ADAMTSL3: variants seen among roughly 807,000 people sequenced by gnomAD.
ADAMTSL3 encodes ADAMTS like 3.
Under a neutral mutation model 201.7 loss-of-function variants are expected in ADAMTSL3, and 128 were observed. The ratio of observed to expected loss-of-function variants is 0.63; its 90% confidence interval spans 0.55 to 0.73. The LOEUF (loss-of-function observed/expected upper bound fraction) is 0.73. ADAMTSL3 is among the 30% of genes least tolerant of loss of function. ADAMTSL3 has a pLI of 0.00. For synonymous variants in ADAMTSL3, 738 were observed against 748.4 expected (o/e 0.99, Z 0.23); for missense variants, 1,990 against 2,119.6 (o/e 0.94, Z 1.20).
intron 2 of ADAMTSL3, among the ~76,000 whole-genome samples, chr15:83,672,705 T>C (rs925824959): frequency 3.3e-5 from 5 of 152,164 alleles, no homozygotes; most frequent in Non-Finnish European, 1.5e-5. Flanking sequence ...AGCAAACACT[T>C]CACACTTAGA....
chr15:83,688,932 C>A (rs976435376), intron 2 of ADAMTSL3, among the ~76,000 whole-genome samples: 5 of 152,130 alleles, frequency 3.3e-5, no homozygotes, highest in African/African-American at 4.8e-5. Context: ...TCTCAGCCTC[C>A]CAGGTAGCTG....
intron 8 of ADAMTSL3, among the ~76,000 whole-genome samples, chr15:83,860,037 G>A (rs542514878): frequency 2.6e-4 from 39 of 152,122 alleles, no homozygotes; most frequent in South Asian, 8.3e-4. Context: ...GCATAGTGGC[G>A]CACGCCTGTA....
chr15:83,683,243 A>C (rs1446355266), intron 2 of ADAMTSL3, among the ~76,000 whole-genome samples: 1 of 152,126 alleles, frequency 6.6e-6, no homozygotes, highest in African/African-American at 2.4e-5. Flanking sequence ...GTTTCCTCCA[A>C]ATAGTGTGGC....
intron 4 of ADAMTSL3, among the ~76,000 whole-genome samples, chr15:83,797,445 A>G (rs2063444381): frequency 6.6e-6 from 1 of 152,096 alleles, no homozygotes. Flanking sequence ...TTCTAAAAAT[A>G]CAAAAATTAG....
intron 15 of ADAMTSL3, among the ~76,000 whole-genome samples, chr15:83,910,635 CT>C (rs3044681): frequency 0.031 from 4,012 of 131,028 alleles, 144 homozygotes; most frequent in Admixed American, 0.12. Flanking sequence ...TTAGGTGAAC[CT>C]TTTTTTTTTT....
chr15:83,891,517 C>A, intron 12 of ADAMTSL3, 138 bp downstream of exon 12: 1 of 657,012 alleles, frequency 1.5e-6, no homozygotes, highest in South Asian at 2.2e-5. Flanking sequence ...GACTTCTACT[C>A]AATAATAGGA....
intron 6 of ADAMTSL3, among the ~76,000 whole-genome samples, chr15:83,825,144 A>G (rs1430182413): frequency 6.6e-6 from 1 of 151,900 alleles, no homozygotes; most frequent in Non-Finnish European, 1.5e-5. Flanking sequence ...AGCTTACCAT[A>G]TAATTCTTCC....
Position 83,742,726 on chromosome 15 carries a change from C to T in ADAMTSL3, c.190-30797C>T, listed in dbSNP as rs373125216. 1.9e-4 allele frequency among the ~76,000 whole-genome samples: 29 copies of T among 152,292 alleles called. No individual in the cohort carries two copies. The East Asian group carries it at 4.2e-3, about 22-fold the overall frequency. On this transcript the variant is annotated intron_variant, in intron 3 of 29. Coordinates refer to ENST00000286744, the MANE Select transcript of ADAMTSL3 (RefSeq NM_207517.3). ...TGTCTGGAAGCTAGTAAGATTAGTT[C>T]TAAATCTTTCTGTTTCAGAAATTTT...
At chr15:83,655,590 C>T (rs886296263) in intron 1 of ADAMTSL3, 139 bp from the exon 2 acceptor site, 18 of 633,320 alleles carry the variant, frequency 2.8e-5, no homozygotes, top group South Asian at 4.0e-5. Flanking sequence ...CAGTAGGCAG[C>T]GGCAACCTGG....
intron 23 of ADAMTSL3, among the ~76,000 whole-genome samples, chr15:84,006,142 T>C (rs1330957132): frequency 6.6e-6 from 1 of 152,230 alleles, no homozygotes; most frequent in African/African-American, 2.4e-5. Flanking sequence ...TGAGATACTT[T>C]CTCTGACACT....
intron 21 of ADAMTSL3, among the ~76,000 whole-genome samples, chr15:83,984,721 T>C (rs557499371): frequency 6.6e-6 from 1 of 152,258 alleles, no homozygotes; most frequent in Non-Finnish European, 1.5e-5. Context: ...TTGAAAACCC[T>C]CCCCCTGCCA....
At chr15:83,952,555 T>C (rs1052930418) in intron 19 of ADAMTSL3, among the ~76,000 whole-genome samples, 4 of 152,208 alleles carry the variant, frequency 2.6e-5, no homozygotes, top group Non-Finnish European at 5.9e-5. Flanking sequence ...ACTCAAGCTA[T>C]CATTGTATTG....
At chr15:83,934,174 GA>G (rs1414696494) in intron 17 of ADAMTSL3, among the ~76,000 whole-genome samples, 1 of 152,192 alleles carries the variant, frequency 6.6e-6, no homozygotes, top group Non-Finnish European at 1.5e-5. Flanking sequence ...AAGCAGCTGG[GA>G]GGGGGGGCTG....
rs201811744 is a variant in ADAMTSL3, at chr15:84,021,362, G to A, written c.4274-48G>A. 844 of 1,605,862 alleles carry A rather than the reference G, an allele frequency of 5.3e-4. 1 individual carries two copies. The highest frequency in any genetic ancestry group is 7.4e-4 in the Admixed American group (44 of 59,288). ...TTGGCCATGTCTTCTCCAGCTCGTCGTCATTTCTCTTTTGGGGCTGGCATG... is the reference window on the plus strand; with the variant it reads ...TTGGCCATGTCTTCTCCAGCTCGTCATCATTTCTCTTTTGGGGCTGGCATG... On this transcript the variant is annotated intron_variant, in intron 25 of 29. Coordinates refer to ENST00000286744, the MANE Select transcript of ADAMTSL3 (RefSeq NM_207517.3).
intron 17 of ADAMTSL3, among the ~76,000 whole-genome samples, chr15:83,942,143 A>G (rs2066573107): frequency 6.6e-6 from 1 of 152,250 alleles, no homozygotes; most frequent in African/African-American, 2.4e-5. Context: ...TATGTTGTAA[A>G]TCCAATCCTA....
chr15:83,791,452 T>C (rs1236795228), intron 4 of ADAMTSL3, among the ~76,000 whole-genome samples: 1 of 152,142 alleles, frequency 6.6e-6, no homozygotes, highest in African/African-American at 2.4e-5. Context: ...CCAACTGATT[T>C]TTTACAAAGG....
rs748537028 is a variant in ADAMTSL3 at position 83,892,782 on chromosome 15, T to C, written c.1361T>C (p.Ile454Thr). 1.4e-5 allele frequency: 22 copies of C among 1,613,960 alleles called. No individual in the cohort carries two copies. The highest frequency in any genetic ancestry group is 1.8e-5 in the Non-Finnish European group (21 of 1,180,002). The change falls in exon 13 of 30, where the codon ATA becomes ACA. Residue 454 changes from isoleucine to threonine, a missense_variant. Coordinates refer to ENST00000286744, the MANE Select transcript of ADAMTSL3 (RefSeq NM_207517.3). Reference protein sequence around the residue: ...VCVEESMHGEILQVEEWKCMY... With the variant: ...VCVEESMHGETLQVEEWKCMY... ...GTAGAGGAATCCATGCATGGAGAGA[T>C]ATTGCAGGTGGAAGAATGGAAGTGC...
intron 20 of ADAMTSL3, among the ~76,000 whole-genome samples, chr15:83,980,677 C>A (rs2067371126): frequency 6.6e-6 from 1 of 152,146 alleles, no homozygotes; most frequent in Admixed American, 6.5e-5. Context: ...TAGGCCTGAC[C>A]TACCAATTGC....
intron 3 of ADAMTSL3, among the ~76,000 whole-genome samples, chr15:83,730,330 A>G (rs1331035266): frequency 6.6e-6 from 1 of 152,146 alleles, no homozygotes; most frequent in Non-Finnish European, 1.5e-5. Context: ...CTGACTTCCT[A>G]CGGCACACCA....
Sources: gnomAD v4.1 joint callset for allele counts (sites outside exome capture counted in the v4.1 genomes callset) on GRCh38, gnomAD v4.1.1 for gene constraint, MANE v1.5 for transcripts, NCBI Gene and HGNC (gene_info 2026-07-23, HGNC 2026-07-21) for gene names.